The following MCF2L variants were observed in gnomAD, a reference collection of about 807,000 sequenced individuals.
MCF2L encodes the protein MCF.2 cell line derived transforming sequence like, also known as guanine nucleotide exchange factor DBS.
A neutral mutation model predicts 153.4 loss-of-function variants in MCF2L; 97 were observed. The ratio of observed to expected loss-of-function variants is 0.63; its 90% confidence interval spans 0.54 to 0.75. MCF2L has a LOEUF of 0.75. Among genes scored for constraint, MCF2L ranks in the 30% least tolerant of loss-of-function variants. MCF2L has a pLI of 0.00. For missense variants in MCF2L, 1,347 were observed against 1,495.2 expected, an observed-to-expected ratio of 0.90 and a Z score of 1.64; for synonymous variants, 659 against 632.2, an observed-to-expected ratio of 1.04 and a Z score of -0.64.
At chr13:112,952,361 G>A (rs1376034035) in intron 2 of MCF2L, among the ~76,000 whole-genome samples, 1 of 152,140 alleles carries the variant, frequency 6.6e-6, no homozygotes, top group African/African-American at 2.4e-5. Flanking sequence ...GCCCAGGGAT[G>A]CTTCAAGTGG....
Position 113,003,581 on chromosome 13 carries a change from C to T in MCF2L, c.80-11182C>T, listed in dbSNP as rs181278681. On this transcript the variant is annotated intron_variant, in intron 1 of 29. Transcript: ENST00000535094. ...ACCCCTGAAGCCCTGGCCACCCCAT[C>T]CTGCAGTTCCCTCCTGAAGGACCAG... 3.3e-4 allele frequency among the ~76,000 whole-genome samples: 50 copies of T among 152,282 alleles called. No individual in the cohort carries two copies. The East Asian group carries it at 9.1e-3, about 28-fold the overall frequency.
chr13:113,081,225 C>T lies in MCF2L; in HGVS notation c.1821C>T (p.Ser607=), dbSNP rs1041257533. 2 of 1,587,742 alleles carry T rather than the reference C, an allele frequency of 1.3e-6. No homozygotes were observed. Among genetic ancestry groups the T allele is most frequent in the Admixed American group, 1.8e-5 (1 of 55,236 alleles). Residue 607 remains serine (S), a synonymous_variant, in exon 16 of 30, where the codon AGC becomes AGT. Transcript: ENST00000535094. ...SLAILRRHVM[S]ELLDTERAYV... ...GACCTGCCACCAGGCACGTGATGAG[C>T]GAGCTCCTGGACACAGAACGGGCCT...
intron 2 of MCF2L, among the ~76,000 whole-genome samples, chr13:112,936,846 C>T (rs2081519948): frequency 6.6e-6 from 1 of 152,114 alleles, no homozygotes; most frequent in Non-Finnish European, 1.5e-5. Context: ...CCTTATAATA[C>T]CTAATACAAT....
At chr13:112,973,964 G>A (rs533283039) in intron 1 of MCF2L, among the ~76,000 whole-genome samples, 2 of 152,252 alleles carry the variant, frequency 1.3e-5, no homozygotes, top group East Asian at 1.9e-4. Flanking sequence ...CCGCCTTCCA[G>A]CGTCTTCCTG....
chr13:112,969,207 C>T (rs997104955), upstream of MCF2L: 11 of 1,126,912 alleles, frequency 9.8e-6, no homozygotes, highest in African/African-American at 1.5e-4. The surrounding 1 kb of genome is among the most constrained non-coding windows in gnomAD (Gnocchi z 4.8). Context: ...GCCCCCCTCC[C>T]GGTGGCGCGG....
At chr13:112,968,694 C>A, upstream of MCF2L, 1 of 1,427,694 alleles carries the variant, frequency 7.0e-7, no homozygotes, top group Non-Finnish European at 9.1e-7. Context: ...AGCTTCTACA[C>A]CTGCCACGGG....
intron 2 of MCF2L, among the ~76,000 whole-genome samples, chr13:112,935,568 T>G (rs1057419401): frequency 6.6e-6 from 1 of 152,140 alleles, no homozygotes; most frequent in African/African-American, 2.4e-5. Context: ...CATACTTCAT[T>G]TTAAGGTAGG....
chr13:113,076,661 C>T lies in MCF2L; in HGVS notation c.1501-391C>T, dbSNP rs142129308. Among the ~76,000 whole-genome samples, 577 of 152,370 alleles carry T rather than the reference C, an allele frequency of 3.8e-3. 4 individuals carry two copies. The highest frequency in any genetic ancestry group is 0.013 in the African/African-American group (535 of 41,588). On this transcript the variant is annotated intron_variant, in intron 12 of 29. Transcript: ENST00000535094. The stretch of plus-strand genomic sequence containing the variant: ...CCTTTCAACACAGAAATTATTTCCA[C>T]GCCAACCCTGCGAGGTGGCCATCCC...
rs551320609 is a variant in MCF2L at position 113,092,907 on chromosome 13, G to T, written c.2954-1607G>T. On this transcript the variant is annotated intron_variant, in intron 26 of 29. Coordinates refer to ENST00000535094, the MANE Select transcript of MCF2L (RefSeq NM_001112732.3). ...TTTTGTGTCTCTGGTGGTGCCAGGG[G>T]CAGAGTCGCTTGGGTTTCACCCCGC... Among the ~76,000 whole-genome samples, 5 of 152,368 alleles carry T rather than the reference G, an allele frequency of 3.3e-5. No individual in the cohort carries two copies. The East Asian group carries it at 7.7e-4, about 24-fold the overall frequency.
intron 1 of MCF2L, among the ~76,000 whole-genome samples, chr13:112,987,244 C>T (rs1452360392): frequency 6.6e-6 from 1 of 151,706 alleles, no homozygotes. Context: ...CTCCACCTGC[C>T]CCTTCCAGCG....
chr13:113,009,528 C>A lies in MCF2L; in HGVS notation c.80-5235C>A, dbSNP rs1358572886. 2.6e-5 allele frequency: 4 copies of A among 152,078 alleles called. No homozygotes were observed. In the South Asian group the frequency reaches 8.3e-4, roughly 32 times the overall value. 9.4% of individuals were successfully genotyped at this position (152,078 alleles called of 1,614,324 possible). A position where few individuals can be genotyped will look rare whatever the true frequency, so the allele number is the denominator to read the frequency against. On this transcript the variant is annotated intron_variant, in intron 1 of 29. Coordinates refer to ENST00000535094, the MANE Select transcript of MCF2L (RefSeq NM_001112732.3). Reference sequence around the variant, plus strand: ...CACATCACAAACAGAGGTGTGGACGCCCCTTTTGTCCCAATGGCAGGGACG... The same window carrying A: ...CACATCACAAACAGAGGTGTGGACGACCCTTTTGTCCCAATGGCAGGGACG...
chr13:112,995,660 C>G (rs1474099617), intron 1 of MCF2L, among the ~76,000 whole-genome samples: 1 of 152,150 alleles, frequency 6.6e-6, no homozygotes, highest in African/African-American at 2.4e-5. Flanking sequence ...CAGGGAGGAG[C>G]GTGGCTCTGG....
intron 26 of MCF2L, among the ~76,000 whole-genome samples, chr13:113,091,735 T>A (rs2035239090): frequency 6.6e-6 from 1 of 150,586 alleles, no homozygotes; most frequent in South Asian, 2.1e-4. Context: ...CCTTCTCGTT[T>A]CCTGCCTCCC....
intron 1 of MCF2L, among the ~76,000 whole-genome samples, chr13:112,981,257 C>T (rs1483498084): frequency 6.6e-6 from 1 of 152,206 alleles, no homozygotes. Flanking sequence ...CAAGATGTCT[C>T]CACACCATGG....
intron 2 of MCF2L, among the ~76,000 whole-genome samples, chr13:113,022,360 A>C (rs900809551): frequency 3.1e-4 from 47 of 151,992 alleles, no homozygotes; most frequent in African/African-American, 1.1e-3. Flanking sequence ...AGTGTACCCC[A>C]AGGAGCAGCT....
intron 1 of MCF2L, among the ~76,000 whole-genome samples, chr13:112,896,248 T>C (rs2081066562): frequency 6.6e-6 from 1 of 152,166 alleles, no homozygotes; most frequent in African/African-American, 2.4e-5. Flanking sequence ...TCTGTCCTTC[T>C]CTGGAATTCA....
chr13:113,058,092 GTGTT>G lies in MCF2L; in HGVS notation c.370-2498_370-2495del, dbSNP rs555456762. 3.6e-3 allele frequency among the ~76,000 whole-genome samples: 541 copies of G among 149,686 alleles called. 3 individuals are homozygous for G. Among genetic ancestry groups the G allele is most frequent in the African/African-American group, 0.013 (515 of 40,494 alleles). On this transcript the variant is annotated intron_variant, in intron 4 of 29. Transcript: ENST00000535094. ...TGTTTCGGTGCTGTTTGGGTGCTGA[GTGTT>G]TGGGCGCTGAGTGTTTGGGTGCTGA...
At position 113,035,691 on chromosome 13, in the gene MCF2L, C is replaced by T. The variant is rs1028330717; in HGVS notation, c.279-9580C>T. 1.3e-5 allele frequency among the ~76,000 whole-genome samples: 2 copies of T among 152,196 alleles called. No homozygotes were observed. Among genetic ancestry groups the T allele is most frequent in the Non-Finnish European group, 2.9e-5 (2 of 68,042 alleles). On this transcript the variant is annotated intron_variant, in intron 3 of 29. Transcript: ENST00000535094. This position sits in a 1 kb window ranked among gnomAD's most constrained non-coding sequence, Gnocchi z 4.4. Reference sequence around the variant, plus strand: ...GCTCCTGTGTTATCTGCCCTCCCCGCGAAGCTCCTTGGAGGATGGAGATTT... The same window carrying T: ...GCTCCTGTGTTATCTGCCCTCCCCGTGAAGCTCCTTGGAGGATGGAGATTT...
chr13:113,000,023 A>G (rs114889972), intron 1 of MCF2L, among the ~76,000 whole-genome samples: 3,830 of 151,512 alleles, frequency 0.025, 172 homozygotes, highest in African/African-American at 0.087. Context: ...CAGGCCCCAG[A>G]GTGGAGGCAG....
Sources: gnomAD v4.1 joint callset for allele counts (sites outside exome capture counted in the v4.1 genomes callset) on GRCh38, gnomAD v4.1.1 for gene constraint, Gnocchi (gnomAD v3.1) non-coding constraint, MANE v1.5 for transcripts, NCBI Gene and HGNC (gene_info 2026-07-23, HGNC 2026-07-21) for gene names.